TMEM131: variants seen among roughly 807,000 people sequenced by gnomAD.
The protein encoded by TMEM131 is transmembrane protein 131, also known as 2610524E03Rik.
TMEM131 carries 66 observed loss-of-function variants against 211.6 expected under a neutral mutation model. The observed-to-expected ratio is 0.31, with a 90% CI of 0.26 to 0.38. The LOEUF is 0.38. Ranked by LOEUF, TMEM131 falls within the 10% of genes least tolerant of loss-of-function variation. TMEM131 has a pLI of 1.00. For synonymous variants in TMEM131, 844 were observed against 841.3 expected (o/e 1.00, Z -0.06); for missense variants, 2,036 against 2,299.3 (o/e 0.89, Z 2.34).
At chr2:97,980,735 G>A (rs1553623665) in intron 1 of TMEM131, among the ~76,000 whole-genome samples, 1 of 152,008 alleles carries the variant, frequency 6.6e-6, no homozygotes, top group Non-Finnish European at 1.5e-5. Context: ...CAACATTAGA[G>A]ACTAACTATC....
chr2:97,896,843 T>G (rs575862855), intron 3 of TMEM131, among the ~76,000 whole-genome samples: 20 of 152,218 alleles, frequency 1.3e-4, no homozygotes, highest in Non-Finnish European at 2.9e-4. Flanking sequence ...TTCCATCTAA[T>G]CTTGAAAAGC....
At chr2:97,895,581 C>T (rs1450261196) in intron 3 of TMEM131, among the ~76,000 whole-genome samples, 1 of 152,122 alleles carries the variant, frequency 6.6e-6, no homozygotes. Flanking sequence ...TCGACTCCTT[C>T]CTGATTTAGA....
intron 31 of TMEM131, among the ~76,000 whole-genome samples, chr2:97,786,103 T>C (rs1680238093): frequency 6.6e-6 from 1 of 152,224 alleles, no homozygotes; most frequent in Non-Finnish European, 1.5e-5. Context: ...GTCTTGGCTG[T>C]ATCAGCATCA....
At chr2:97,781,709 C>T (rs913128663) in intron 31 of TMEM131, among the ~76,000 whole-genome samples, 2 of 152,208 alleles carry the variant, frequency 1.3e-5, no homozygotes, top group African/African-American at 4.8e-5. Context: ...AAGAAGATGA[C>T]TCTGAAAGGC....
At chr2:97,779,539 C>CT (rs1311186172) in intron 31 of TMEM131, among the ~76,000 whole-genome samples, 6 of 152,312 alleles carry the variant, frequency 3.9e-5, no homozygotes, top group African/African-American at 1.4e-4. Context: ...TCTTCCAAAT[C>CT]TTTTGTTAGG....
At chr2:97,777,200 G>A (rs1679782396) in intron 31 of TMEM131, among the ~76,000 whole-genome samples, 1 of 152,232 alleles carries the variant, frequency 6.6e-6, no homozygotes, top group Admixed American at 6.5e-5. Flanking sequence ...AAAATCACCT[G>A]GGCGGGCAGG....
chr2:97,987,111 T>C (rs1391900170), intron 1 of TMEM131, among the ~76,000 whole-genome samples: 1 of 152,246 alleles, frequency 6.6e-6, no homozygotes, highest in Non-Finnish European at 1.5e-5. Context: ...AGTTTTTAAC[T>C]AGCACATCCT....
chr2:97,850,911 C>A (rs757161232), intron 5 of TMEM131, among the ~76,000 whole-genome samples: 4 of 151,590 alleles, frequency 2.6e-5, no homozygotes, highest in Non-Finnish European at 5.9e-5. Flanking sequence ...TCAAACAATA[C>A]CCTTTTAAGG....
In TMEM131 at chr2:97,904,444, G is replaced by T. The variant is rs576922286; in HGVS notation, c.290+4214C>A. ...CAAATATGAAAAAACATTAACAAAT[G>T]AGGAATTTGGGTCAAGAAGATATAA... On this transcript the variant is annotated intron_variant, in intron 3 of 40. Transcript: ENST00000186436. Among the ~76,000 whole-genome samples the T allele has an allele frequency of 3.9e-5, 6 of 152,250 alleles. No individual in the cohort carries two copies. The East Asian group carries it at 1.2e-3, about 29-fold the overall frequency.
At chr2:97,926,478 T>C (rs1676997135) in intron 2 of TMEM131, among the ~76,000 whole-genome samples, 1 of 152,240 alleles carries the variant, frequency 6.6e-6, no homozygotes, top group South Asian at 2.1e-4. Context: ...CAAAAGGGTC[T>C]TCTATTCAGC....
rs530863994 is a variant in TMEM131 at position 97,757,310 on chromosome 2, C to G, written c.5441G>C (p.Ser1814Thr). 3.2e-5 allele frequency: 51 copies of G among 1,613,880 alleles called. 1 individual carries two copies. In the South Asian group the frequency reaches 5.5e-4, roughly 17 times the overall value. The change falls in exon 41 of 41, where the codon AGC (serine) becomes ACC (threonine). Residue 1814 changes from serine (S) to threonine (T), a missense_variant. By Grantham distance (58) the Ser-to-Thr change is moderately conservative. Coordinates refer to ENST00000186436, the MANE Select transcript of TMEM131 (RefSeq NM_015348.2). ...FSSSIWSSNL[S>T]SALPFTTPAN... is the part of the protein sequence containing the mutation. ...TGGAGTGGTGAAGGGAAGGGCGCTGCTAAGGTTGCTGGACCAAATGGAGCT... is the reference window on the plus strand; with the variant it reads ...TGGAGTGGTGAAGGGAAGGGCGCTGGTAAGGTTGCTGGACCAAATGGAGCT...
chr2:97,922,992 ATAAAACATGGC>A (rs1019497566), intron 2 of TMEM131, among the ~76,000 whole-genome samples: 23 of 152,384 alleles, frequency 1.5e-4, no homozygotes, highest in African/African-American at 5.5e-4. Flanking sequence ...AATTCCATTT[ATAAAACATGGC>A]TTTTGCCAGG....
chr2:97,835,044 A>G, intron 8 of TMEM131, 119 bp from the exon 9 acceptor site: 2 of 1,024,442 alleles, frequency 2.0e-6, no homozygotes, highest in Non-Finnish European at 2.8e-6. Context: ...TATTAATAAA[A>G]AAAATGCATT....
intron 1 of TMEM131, among the ~76,000 whole-genome samples, chr2:97,989,149 C>A: frequency 6.6e-6 from 1 of 151,716 alleles, no homozygotes; most frequent in East Asian, 1.9e-4. Context: ...TTGAAGAAAA[C>A]AGGCTATTTA....
chr2:97,757,810 T>C (rs972229693), intron 40 of TMEM131, among the ~76,000 whole-genome samples: 1 of 152,246 alleles, frequency 6.6e-6, no homozygotes, highest in Non-Finnish European at 1.5e-5. Context: ...TGCACTGCAA[T>C]GGCAGTGGTG....
chr2:97,774,694 G>A (rs1217883465), intron 32 of TMEM131, among the ~76,000 whole-genome samples: 2 of 152,178 alleles, frequency 1.3e-5, no homozygotes, highest in African/African-American at 4.8e-5. Flanking sequence ...GGAAGAGGCT[G>A]GCAGGTGGGA....
chr2:97,856,217 A>T (rs1315106650), intron 5 of TMEM131, among the ~76,000 whole-genome samples: 1 of 152,160 alleles, frequency 6.6e-6, no homozygotes, highest in Non-Finnish European at 1.5e-5. Flanking sequence ...GCCTATATAT[A>T]ATATGGCCAT....
chr2:97,938,808 T>C (rs948996546), intron 1 of TMEM131, among the ~76,000 whole-genome samples: 5 of 152,054 alleles, frequency 3.3e-5, no homozygotes, highest in Admixed American at 1.3e-4. Flanking sequence ...TGTAAAAGAA[T>C]AGAAATTATA....
At chr2:97,918,855 A>G (rs547211761) in intron 2 of TMEM131, among the ~76,000 whole-genome samples, 6 of 151,278 alleles carry the variant, frequency 4.0e-5, no homozygotes, top group East Asian at 3.9e-4. Flanking sequence ...GCTTAAAACA[A>G]TTTATTCTCA....
Sources: allele counts gnomAD v4.1 joint callset (sites outside exome capture counted in the v4.1 genomes callset), GRCh38; gene constraint gnomAD v4.1.1; transcripts MANE v1.5; gene names NCBI Gene and HGNC (gene_info 2026-07-23, HGNC 2026-07-21).